Variants in AGTPBP1 observed in about 807,000 individuals in gnomAD.
AGTPBP1 encodes ATP/GTP binding carboxypeptidase 1.
A neutral mutation model predicts 143.9 loss-of-function variants in AGTPBP1; 70 were observed. The observed-to-expected ratio is 0.49, with a 90% CI of 0.40 to 0.59. AGTPBP1 has a LOEUF of 0.59. Ranked by LOEUF, AGTPBP1 falls within the 20% of genes least tolerant of loss-of-function variation. The probability of loss-of-function intolerance (pLI) is 0.00; values close to 1 mark genes in which losing one functional copy is unlikely to be tolerated. For synonymous variants in AGTPBP1, 463 were observed against 500.2 expected, an observed-to-expected ratio of 0.93 and a Z score of 0.99; for missense variants, 1,229 against 1,464.5, an observed-to-expected ratio of 0.84 and a Z score of 2.62.
chr9:85,635,121 C>T (rs934054104), intron 13 of AGTPBP1, among the ~76,000 whole-genome samples: 1 of 152,054 alleles, frequency 6.6e-6, no homozygotes, highest in African/African-American at 2.4e-5. Flanking sequence ...TCTTTTTTTA[C>T]GGTATAAATT....
At chr9:85,752,163 G>T in the AGTPBP1 span, among the ~76,000 whole-genome samples, 76 of 152,140 alleles carry the variant, frequency 5.0e-4, no homozygotes, top group Non-Finnish European at 8.8e-4. Context: ...CTTGAAACCC[G>T]GGAGGCGGAG....
Position 85,661,187 on chromosome 9 carries a change from G to C in AGTPBP1, c.663-214C>G, listed in dbSNP as rs571253716. On this transcript the variant is annotated intron_variant, in intron 8 of 25. Coordinates refer to ENST00000357081, the MANE Select transcript of AGTPBP1 (RefSeq NM_001330701.2). ...AAAAAGATTGAAATATCAATAGATA[G>C]GAACAAAAAAAATGTTTTGAGAAAG... is the stretch of plus-strand genomic sequence containing the variant. Among the ~76,000 whole-genome samples the C allele has an allele frequency of 2.4e-3, 360 of 151,862 alleles. 2 individuals carry two copies. The highest frequency in any genetic ancestry group is 0.01 in the Middle Eastern group (3 of 294).
rs761137575 is a variant in AGTPBP1 at position 85,657,612 on chromosome 9, T to G, written c.732A>C (p.Gly244=). 3 of 1,613,646 alleles carry G rather than the reference T, an allele frequency of 1.9e-6. No homozygotes were observed. Among genetic ancestry groups the G allele is most frequent in the Non-Finnish European group, 2.5e-6 (3 of 1,179,872 alleles). ...AAATTGTTAAAAGCACTTGGACATATCCTCTGTCTACAGCTCTCCTGGCAT... is the reference window on the plus strand; with the variant it reads ...AAATTGTTAAAAGCACTTGGACATAGCCTCTGTCTACAGCTCTCCTGGCAT... ...KTNARRAVDR[G]YVQVLLTIYV... The change falls in exon 10 of 26, where the codon GGA becomes GGC. Residue 244 remains glycine (G), a synonymous_variant. Transcript: ENST00000357081.
chr9:85,744,762 T>A (rs1368446403), upstream of AGTPBP1, among the ~76,000 whole-genome samples: 1 of 152,222 alleles, frequency 6.6e-6, no homozygotes, highest in East Asian at 1.9e-4. Context: ...AAGACCCCTG[T>A]GTAAGTTCCC....
chr9:85,685,505 G>A (rs551921863), intron 3 of AGTPBP1, among the ~76,000 whole-genome samples: 6 of 151,968 alleles, frequency 3.9e-5, no homozygotes, highest in African/African-American at 7.2e-5. Flanking sequence ...AGACGATGAC[G>A]ATGAAACTGC....
At chr9:85,681,142 C>CGT in intron 4 of AGTPBP1, 126 bp downstream of exon 4, 1 of 804,906 alleles carries the variant, frequency 1.2e-6, no homozygotes, top group Non-Finnish European at 2.0e-6. Context: ...ATTACATATA[C>CGT]GTGTGTGTGT....
intron 1 of AGTPBP1, among the ~76,000 whole-genome samples, chr9:85,729,596 G>C (rs62570618): frequency 0.015 from 2,259 of 152,066 alleles, 25 homozygotes; most frequent in Middle Eastern, 0.038. Flanking sequence ...TTCGGAGAAA[G>C]TATGTGCCAG....
chr9:85,727,424 A>C (rs774421123), intron 1 of AGTPBP1, among the ~76,000 whole-genome samples: 1 of 152,208 alleles, frequency 6.6e-6, no homozygotes, highest in Non-Finnish European at 1.5e-5. Context: ...TTAAAGTTCT[A>C]ATTGAAGCTC....
At chr9:85,702,343 T>C (rs866472639) in intron 2 of AGTPBP1, among the ~76,000 whole-genome samples, 2 of 152,230 alleles carry the variant, frequency 1.3e-5, no homozygotes, top group African/African-American at 4.8e-5. Flanking sequence ...ATCCATTAAA[T>C]TGTGATCACT....
the AGTPBP1 span, chr9:85,773,921 G>A: frequency 6.2e-7 from 1 of 1,603,742 alleles, no homozygotes; most frequent in Non-Finnish European, 8.5e-7. Flanking sequence ...GGGATAATAT[G>A]GTTCGTGAAT....
intron 6 of AGTPBP1, among the ~76,000 whole-genome samples, chr9:85,675,376 A>G (rs1834762366): frequency 6.6e-6 from 1 of 151,958 alleles, no homozygotes; most frequent in Non-Finnish European, 1.5e-5. Flanking sequence ...GCATTTTTTA[A>G]TATTTCACGT....
the AGTPBP1 span, among the ~76,000 whole-genome samples, chr9:85,750,631 G>A: frequency 6.6e-6 from 1 of 152,188 alleles, no homozygotes; most frequent in Non-Finnish European, 1.5e-5. Context: ...GTATGTTGTA[G>A]TTGGGTGTAT....
chr9:85,606,920 G>A (rs1404404534), intron 17 of AGTPBP1, among the ~76,000 whole-genome samples: 2 of 151,908 alleles, frequency 1.3e-5, no homozygotes, highest in African/African-American at 4.8e-5. Flanking sequence ...AGGGATAAGG[G>A]GGGTGAAGAG....
chr9:85,579,971 C>T (rs1174671926), intron 23 of AGTPBP1, among the ~76,000 whole-genome samples: 1 of 151,782 alleles, frequency 6.6e-6, no homozygotes, highest in African/African-American at 2.4e-5. Context: ...ATGGGTCGGG[C>T]TCACACCTGT....
At chr9:85,623,703 G>A (rs1831090373) in intron 14 of AGTPBP1, among the ~76,000 whole-genome samples, 1 of 151,482 alleles carries the variant, frequency 6.6e-6, no homozygotes, top group Non-Finnish European at 1.5e-5. Context: ...GTTGCAGTGA[G>A]CTGAGATTGT....
chr9:85,790,791 T>A, the AGTPBP1 span, among the ~76,000 whole-genome samples: 8 of 152,086 alleles, frequency 5.3e-5, no homozygotes, highest in Non-Finnish European at 1.0e-4. Context: ...TACAGTACTT[T>A]AAGAGGAAAA....
At chr9:85,580,909 A>C (rs1828216039) in intron 23 of AGTPBP1, among the ~76,000 whole-genome samples, 1 of 152,166 alleles carries the variant, frequency 6.6e-6, no homozygotes, top group Admixed American at 6.5e-5. Flanking sequence ...TGTAGTGTTT[A>C]AAAAACATTA....
At chr9:85,639,361 GCACGCGCACA>G (rs1832304962) in intron 13 of AGTPBP1, among the ~76,000 whole-genome samples, 1 of 131,006 alleles carries the variant, frequency 7.6e-6, no homozygotes, top group Non-Finnish European at 1.6e-5. Context: ...CCATGCGCGC[GCACGCGCACA>G]CACACACACA....
chr9:85,746,650 G>A (rs113118681), upstream of AGTPBP1, among the ~76,000 whole-genome samples: 72 of 151,492 alleles, frequency 4.8e-4, no homozygotes, highest in African/African-American at 1.5e-3. Flanking sequence ...AAGAGTGGGG[G>A]GAGAGAGAGA....
Sources: allele counts gnomAD v4.1 joint callset (sites outside exome capture counted in the v4.1 genomes callset), GRCh38; gene constraint gnomAD v4.1.1; transcripts MANE v1.5; gene names NCBI Gene and HGNC (gene_info 2026-07-23, HGNC 2026-07-21).